Variants in DLC1 observed in about 807,000 individuals in gnomAD.
DLC1 encodes DLC1 Rho GTPase activating protein, also known as rho GTPase-activating protein 7.
DLC1 carries 54 observed loss-of-function variants against 140.3 expected under a neutral mutation model. The observed-to-expected ratio is 0.38, with a 90% CI of 0.31 to 0.48. The LOEUF (loss-of-function observed/expected upper bound fraction) is 0.48. Among genes scored for constraint, DLC1 ranks in the 20% least tolerant of loss-of-function variants. The pLI is 0.96. For missense variants in DLC1, 2,536 were observed against 1,907.0 expected, an observed-to-expected ratio of 1.33 and a Z score of -6.14; for synonymous variants, 986 against 728.1, an observed-to-expected ratio of 1.35 and a Z score of -5.70.
At chr8:13,319,819 CTCTT>C (rs1269484884) in intron 4 of DLC1, among the ~76,000 whole-genome samples, 19 of 76,162 alleles carry the variant, frequency 2.5e-4, no homozygotes, top group South Asian at 5.4e-4. Flanking sequence ...TTCTCTCTCT[CTCTT>C]TTTTTTTTTT....
intron 5 of DLC1, among the ~76,000 whole-genome samples, chr8:13,116,698 T>A (rs375168104): frequency 4.6e-5 from 7 of 152,170 alleles, no homozygotes; most frequent in African/African-American, 1.4e-4. Flanking sequence ...ATTTCCTGAG[T>A]TCCTTGGCCT....
intron 5 of DLC1, among the ~76,000 whole-genome samples, chr8:13,147,860 C>T (rs925914239): frequency 4.6e-5 from 7 of 152,068 alleles, no homozygotes; most frequent in South Asian, 2.1e-4. Flanking sequence ...TGGTGGCAGG[C>T]GCCTGTAGTT....
chr8:13,334,113 G>A (rs569926395), intron 4 of DLC1, among the ~76,000 whole-genome samples: 136 of 152,172 alleles, frequency 8.9e-4, no homozygotes, highest in Non-Finnish European at 1.4e-3. Flanking sequence ...GTGAGAAGTG[G>A]CTTTAGTCAA....
At chr8:13,434,547 A>T (rs892197166) in intron 2 of DLC1, among the ~76,000 whole-genome samples, 1 of 152,100 alleles carries the variant, frequency 6.6e-6, no homozygotes, top group Admixed American at 6.5e-5. Flanking sequence ...ACAAAGAAGG[A>T]TTTGGCTGGG....
intron 1 of DLC1, among the ~76,000 whole-genome samples, chr8:13,571,683 C>G (rs1249086207): frequency 6.6e-6 from 1 of 152,196 alleles, no homozygotes; most frequent in Non-Finnish European, 1.5e-5. Context: ...ATACAAGTAT[C>G]TGTTTGTGCA....
Position 13,133,104 on chromosome 8 carries a change from C to G in DLC1, c.1349-17447G>C, listed in dbSNP as rs1295918989. On this transcript the variant is annotated intron_variant, in intron 5 of 17. Transcript: ENST00000276297. ...GCGCCCTCGCGGTCCTCAACGCATC[C>G]TTGCTCGCCGCTCCCTGCCCCTCGT... is the stretch of plus-strand genomic sequence containing the variant. 6 of 1,484,198 alleles carry G rather than the reference C, an allele frequency of 4.0e-6. No individual in the cohort carries two copies. The South Asian group carries it at 6.9e-5, about 17-fold the overall frequency. The allele number at this position is 1,484,198 out of a possible 1,614,324, so 91.9% of individuals were successfully genotyped here.
At chr8:13,204,458 G>A (rs1345404579) in intron 5 of DLC1, among the ~76,000 whole-genome samples, 1 of 152,104 alleles carries the variant, frequency 6.6e-6, no homozygotes, top group Non-Finnish European at 1.5e-5. Flanking sequence ...GAGTATTAAT[G>A]AGCAAGGATT....
intron 1 of DLC1, among the ~76,000 whole-genome samples, chr8:13,556,485 G>C (rs1481598): frequency 3.3e-5 from 5 of 152,100 alleles, no homozygotes; most frequent in Admixed American, 3.3e-4. Flanking sequence ...ACCCGGCAGG[G>C]GGTCCAGACA....
intron 5 of DLC1, among the ~76,000 whole-genome samples, chr8:13,164,256 C>A (rs1824936060): frequency 6.6e-6 from 1 of 151,168 alleles, no homozygotes; most frequent in Non-Finnish European, 1.5e-5. Context: ...AAGATCAAGC[C>A]ATTGCACTCA....
At chr8:13,575,393 A>AAGGTGAGG (rs1486194308) in intron 1 of DLC1, among the ~76,000 whole-genome samples, 3 of 152,014 alleles carry the variant, frequency 2.0e-5, no homozygotes. Context: ...AAATGGCTTG[A>AAGGTGAGG]AGGTGAGGAA....
chr8:13,455,745 T>C (rs1189447218), intron 2 of DLC1, among the ~76,000 whole-genome samples: 1 of 152,272 alleles, frequency 6.6e-6, no homozygotes, highest in Non-Finnish European at 1.5e-5. Flanking sequence ...GCAAGGTGGC[T>C]CATGCATGTA....
chr8:13,246,467 T>A lies in DLC1; in HGVS notation c.1348+58802A>T, dbSNP rs184911445. 2.4e-4 allele frequency among the ~76,000 whole-genome samples: 37 copies of A among 152,276 alleles called. No individual in the cohort carries two copies. The East Asian group carries it at 7.1e-3, about 29-fold the overall frequency. ...AGTGGTTTTCTTTTTTCTGCGTAGA[T>A]TCACTCATGTGGCATTCTTACGGAG... On this transcript the variant is annotated intron_variant, in intron 5 of 17. Transcript: ENST00000276297.
At chr8:13,415,687 C>T (rs1361993660) in intron 2 of DLC1, among the ~76,000 whole-genome samples, 2 of 152,192 alleles carry the variant, frequency 1.3e-5, no homozygotes, top group African/African-American at 4.8e-5. Context: ...GCATGAGCCA[C>T]TGCAACCGGC....
chr8:13,097,273 A>ATTATTATTATTT (rs1377225334), intron 10 of DLC1, among the ~76,000 whole-genome samples: 4 of 150,872 alleles, frequency 2.7e-5, no homozygotes, highest in African/African-American at 7.3e-5. Flanking sequence ...TATTATTATT[A>ATTATTATTATTT]TTTTTTGAGA....
chr8:13,395,226 T>C (rs75049983), intron 3 of DLC1, among the ~76,000 whole-genome samples: 2 of 151,870 alleles, frequency 1.3e-5, no homozygotes, highest in Non-Finnish European at 2.9e-5. Flanking sequence ...GTTCATGCAA[T>C]TCTCCTGCCT....
intron 7 of DLC1, among the ~76,000 whole-genome samples, chr8:13,103,470 T>C (rs1189903879): frequency 6.6e-6 from 1 of 152,124 alleles, no homozygotes; most frequent in African/African-American, 2.4e-5. Flanking sequence ...AATGAGTTGT[T>C]CTTACTAAGA....
In DLC1 at chr8:13,090,454, C is replaced by T. The variant is rs748431781; in HGVS notation, c.3872G>A (p.Ser1291Asn). Residue 1291 changes from serine to asparagine, a missense_variant, in exon 15 of 18, where the codon AGC becomes AAC. Coordinates refer to ENST00000276297, the MANE Select transcript of DLC1 (RefSeq NM_182643.3). ...TTCGGTATAGGAATTACGACATCGG[C>T]TCATTTCCTCGGGAACCTGTGCGGA... ...KKLFQVPEEMSRCRNSYTEQE... is the reference protein window; with the variant it reads ...KKLFQVPEEMNRCRNSYTEQE... 2 of 1,614,072 alleles carry T rather than the reference C, an allele frequency of 1.2e-6. No individual in the cohort carries two copies. The highest frequency in any genetic ancestry group is 2.7e-5 in the African/African-American group (2 of 75,068).
intron 5 of DLC1, among the ~76,000 whole-genome samples, chr8:13,119,522 G>T (rs867241843): frequency 1.3e-5 from 2 of 152,062 alleles, no homozygotes; most frequent in East Asian, 3.9e-4. Flanking sequence ...TGCTTAATAC[G>T]CATAAGGCCC....
At chr8:13,461,459 C>G (rs1340402237) in intron 2 of DLC1, among the ~76,000 whole-genome samples, 3 of 152,142 alleles carry the variant, frequency 2.0e-5, no homozygotes, top group African/African-American at 7.2e-5. Flanking sequence ...CTTGCCCTGC[C>G]AAGGGCAGGC....
Sources: gnomAD v4.1 joint callset for allele counts (sites outside exome capture counted in the v4.1 genomes callset) on GRCh38, gnomAD v4.1.1 for gene constraint, MANE v1.5 for transcripts, NCBI Gene and HGNC (gene_info 2026-07-23, HGNC 2026-07-21) for gene names.